The following SPG11 variants were observed in gnomAD, a reference collection of about 807,000 sequenced individuals.
SPG11 encodes the protein spatacsin.
In SPG11, 222 loss-of-function variants were observed where a neutral mutation model predicts 274.0. That is an observed-to-expected ratio of 0.81 (90% CI 0.73 to 0.91). SPG11 has a LOEUF of 0.91. Ranked by LOEUF, SPG11 falls within the 40% of genes least tolerant of loss-of-function variation. The pLI is 0.00. For synonymous variants in SPG11, 1,144 were observed against 1,039.7 expected (o/e 1.10, Z -1.93); for missense variants, 3,114 against 2,872.7 (o/e 1.08, Z -1.92).
At chr15:44,595,838 G>A (rs1336771872) in intron 25 of SPG11, among the ~76,000 whole-genome samples, 1 of 152,198 alleles carries the variant, frequency 6.6e-6, no homozygotes, top group East Asian at 1.9e-4. Flanking sequence ...GTCTTTCTCT[G>A]TGACTGCCAA....
At chr15:44,611,440 ATATACTACC>A (rs2083457879) in intron 17 of SPG11, among the ~76,000 whole-genome samples, 1 of 152,246 alleles carries the variant, frequency 6.6e-6, no homozygotes, top group African/African-American at 2.4e-5. Flanking sequence ...ATTAGATGCC[ATATACTACC>A]TATCCAATTA....
At chr15:44,585,609 A>G (rs1331968931) in intron 29 of SPG11, 27 bp downstream of exon 29, 54 of 1,533,286 alleles carry the variant, frequency 3.5e-5, no homozygotes, top group Non-Finnish European at 4.6e-5. Flanking sequence ...ATCTAAAAAA[A>G]AAAAAAAAAA....
At position 44,657,257 on chromosome 15, in the gene SPG11, A is replaced by G; in HGVS notation, c.707T>C (p.Val236Ala). 6.2e-7 allele frequency: 1 copy of G among 1,614,206 alleles called. No homozygotes were observed. Among genetic ancestry groups the G allele is most frequent in the South Asian group, 1.1e-5 (1 of 91,086 alleles). ...GTCTTCTTTGTGAAGTGCTAAATCCACATGAGCTACATATGTACCATCCAC... is the reference window on the plus strand; with the variant it reads ...GTCTTCTTTGTGAAGTGCTAAATCCGCATGAGCTACATATGTACCATCCAC... ...DVVDGTYVAH[V>A]DLALHKEDMC... is the part of the protein sequence containing the mutation. Residue 236 changes from valine (V) to alanine (A), a missense_variant, in exon 4 of 40, where the codon GTG becomes GCG. Coordinates refer to ENST00000261866, the MANE Select transcript of SPG11 (RefSeq NM_025137.4).
chr15:44,592,591 G>GT (rs2082930700), intron 26 of SPG11, among the ~76,000 whole-genome samples, 153 bp from the exon 27 acceptor site: 1 of 152,138 alleles, frequency 6.6e-6, no homozygotes, highest in South Asian at 2.1e-4. Flanking sequence ...AGCCGAGCCA[G>GT]TGGGATCACC....
intron 39 of SPG11, among the ~76,000 whole-genome samples, 173 bp downstream of exon 39, chr15:44,564,374 C>G (rs1311492888): frequency 6.6e-6 from 1 of 152,174 alleles, no homozygotes; most frequent in Non-Finnish European, 1.5e-5. Flanking sequence ...TCTTGTTGAT[C>G]TCTTTGCATA....
At chr15:44,639,689 G>A (rs966749011) in intron 7 of SPG11, among the ~76,000 whole-genome samples, 1 of 151,648 alleles carries the variant, frequency 6.6e-6, no homozygotes, top group South Asian at 2.1e-4. Context: ...GTGACAGAGT[G>A]AGACCTGGTC....
At chr15:44,657,035 T>C (rs2084960042) in intron 4 of SPG11, 60 bp downstream of exon 4, 3 of 1,464,204 alleles carry the variant, frequency 2.0e-6, no homozygotes, top group Non-Finnish European at 2.8e-6. Flanking sequence ...CGAGGATATT[T>C]TTAACCTCTT....
intron 19 of SPG11, among the ~76,000 whole-genome samples, chr15:44,607,987 T>C (rs2083365367): frequency 6.6e-6 from 1 of 152,212 alleles, no homozygotes; most frequent in Admixed American, 6.5e-5. Flanking sequence ...TATTGCAGGA[T>C]ACTACATTTC....
chr15:44,639,643 A>C lies in SPG11; in HGVS notation c.1603-6006T>G, dbSNP rs140233849. On this transcript the variant is annotated intron_variant, in intron 7 of 39. Transcript: ENST00000261866. ...CTTGCAACTGGGAGGCGGAGGCTGC[A>C]GTGAGCCAGGACTATGCCACTGCAC... 3.3e-4 allele frequency among the ~76,000 whole-genome samples: 50 copies of C among 152,174 alleles called. No individual in the cohort carries two copies. The East Asian group carries it at 9.5e-3, about 29-fold the overall frequency.
At chr15:44,597,110 CTTTTTTTTT>C (rs201600828) in intron 23 of SPG11, 167 bp from the exon 24 acceptor site, 73 of 345,736 alleles carry the variant, frequency 2.1e-4, no homozygotes, top group Non-Finnish European at 3.7e-4. Flanking sequence ...AAAGTAGATT[CTTTTTTTTT>C]TTTTTTTTTT....
intron 19 of SPG11, among the ~76,000 whole-genome samples, 163 bp downstream of exon 19, chr15:44,608,281 T>C (rs2083373264): frequency 6.6e-6 from 1 of 152,200 alleles, no homozygotes; most frequent in African/African-American, 2.4e-5. Flanking sequence ...TATTTTGTTA[T>C]TTTTGGGTTG....
chr15:44,576,426 A>G (rs1484519736), intron 30 of SPG11, among the ~76,000 whole-genome samples: 1 of 152,026 alleles, frequency 6.6e-6, no homozygotes, highest in Non-Finnish European at 1.5e-5. Flanking sequence ...AGGTGGGCGG[A>G]TCACAAGGTC....
At chr15:44,655,295 T>C (rs149878387) in intron 4 of SPG11, among the ~76,000 whole-genome samples, 31 of 152,348 alleles carry the variant, frequency 2.0e-4, no homozygotes, top group African/African-American at 7.5e-4. Context: ...TTAAAAGTGA[T>C]TTCTTGTGGT....
intron 20 of SPG11, among the ~76,000 whole-genome samples, chr15:44,604,448 A>AT (rs1241643250): frequency 1.3e-5 from 2 of 152,282 alleles, no homozygotes; most frequent in East Asian, 3.9e-4. Flanking sequence ...TAAGACCATA[A>AT]TTTTTTAGCA....
intron 24 of SPG11, 64 bp from the exon 25 acceptor site, chr15:44,596,419 G>A: frequency 1.3e-6 from 2 of 1,581,484 alleles, no homozygotes; most frequent in Non-Finnish European, 1.7e-6. Context: ...AGCTGAAAAT[G>A]TTAGAGAAAA....
chr15:44,660,781 C>T (rs896214579), intron 1 of SPG11, among the ~76,000 whole-genome samples, 165 bp from the exon 2 acceptor site: 2 of 152,162 alleles, frequency 1.3e-5, no homozygotes, highest in Non-Finnish European at 2.9e-5. Context: ...GACCTCCCTC[C>T]TCTTCCCGCT....
intron 16 of SPG11, among the ~76,000 whole-genome samples, chr15:44,615,062 C>T (rs2083558821): frequency 1.3e-5 from 2 of 152,160 alleles, no homozygotes; most frequent in African/African-American, 4.8e-5. Flanking sequence ...CCAAGTAAAA[C>T]TTTAGAATCT....
chr15:44,656,207 T>C (rs373673638), intron 4 of SPG11, among the ~76,000 whole-genome samples: 1 of 152,218 alleles, frequency 6.6e-6, no homozygotes, highest in Non-Finnish European at 1.5e-5. Context: ...GAAAAATCAC[T>C]GTAAAATTTC....
At chr15:44,626,245 GAAAT>G in intron 11 of SPG11, 82 bp downstream of exon 11, 1 of 1,174,630 alleles carries the variant, frequency 8.5e-7, no homozygotes, top group Non-Finnish European at 1.2e-6. Context: ...CTTAGTTTAT[GAAAT>G]AATTATGAAT....
Sources: allele counts gnomAD v4.1 joint callset (sites outside exome capture counted in the v4.1 genomes callset), GRCh38; gene constraint gnomAD v4.1.1; transcripts MANE v1.5; gene names NCBI Gene and HGNC (gene_info 2026-07-23, HGNC 2026-07-21).